The following CCNJL variants were observed in gnomAD, a reference collection of about 807,000 sequenced individuals.
The protein encoded by CCNJL is cyclin-J-like protein.
CCNJL carries 33 observed loss-of-function variants against 33.4 expected under a neutral mutation model. The observed-to-expected ratio is 0.99, with a 90% CI of 0.75 to 1.32. CCNJL has a LOEUF of 1.32. CCNJL is among the 40% of genes most tolerant of loss of function. CCNJL has a pLI of 0.00. For missense variants in CCNJL, 512 were observed against 499.7 expected (o/e 1.02, Z -0.23); for synonymous variants, 227 against 220.9 (o/e 1.03, Z -0.24).
chr5:160,325,271 A>G (rs1201136621), intron 1 of CCNJL, among the ~76,000 whole-genome samples: 1 of 152,120 alleles, frequency 6.6e-6, no homozygotes. Context: ...CCCAATTGTT[A>G]ATGGGCATTG....
chr5:160,259,351 C>T, intron 4 of CCNJL, 118 bp downstream of exon 4: 1 of 825,692 alleles, frequency 1.2e-6, no homozygotes. Flanking sequence ...GATCTGGGTG[C>T]ACAGGCCCCA....
At chr5:160,281,071 T>C (rs1435249035) in intron 2 of CCNJL, 1 of 377,866 alleles carries the variant, frequency 2.6e-6, no homozygotes, top group Non-Finnish European at 5.0e-6. Context: ...ATTCTTTTTT[T>C]TTCCCCTAGG....
intron 2 of CCNJL, among the ~76,000 whole-genome samples, chr5:160,293,803 G>C (rs1762663599): frequency 6.6e-6 from 1 of 152,204 alleles, no homozygotes; most frequent in African/African-American, 2.4e-5. Context: ...TTGGACATCA[G>C]AGGAGCGGGC....
intron 3 of CCNJL, among the ~76,000 whole-genome samples, chr5:160,265,333 C>T (rs1486759819): frequency 2.0e-5 from 3 of 152,184 alleles, no homozygotes. Flanking sequence ...GGCTACTTTT[C>T]TTCCCTAAAG....
chr5:160,326,362 C>T (rs1431803094), intron 1 of CCNJL, among the ~76,000 whole-genome samples: 1 of 151,836 alleles, frequency 6.6e-6, no homozygotes, highest in Non-Finnish European at 1.5e-5. Context: ...GTAACCCTAG[C>T]TACTTGGGTG....
chr5:160,316,398 C>G (rs543052901), upstream of CCNJL, among the ~76,000 whole-genome samples: 2 of 148,448 alleles, frequency 1.3e-5, no homozygotes, highest in African/African-American at 5.0e-5. Flanking sequence ...TTCTACTTAT[C>G]TTCAGCTTTC....
At chr5:160,313,124 T>C (rs1354029019), upstream of CCNJL, among the ~76,000 whole-genome samples, 2 of 152,176 alleles carry the variant, frequency 1.3e-5, no homozygotes, top group Non-Finnish European at 2.9e-5. Flanking sequence ...CTGCAGAATA[T>C]GAACTATGCC....
chr5:160,329,596 A>C (rs1763582411), intron 1 of CCNJL, among the ~76,000 whole-genome samples: 2 of 151,968 alleles, frequency 1.3e-5, no homozygotes, highest in African/African-American at 4.8e-5. Context: ...TGACCCACCC[A>C]CCTTGGCCTC....
At chr5:160,300,884 T>A (rs1581003533) in intron 2 of CCNJL, among the ~76,000 whole-genome samples, 2 of 152,178 alleles carry the variant, frequency 1.3e-5, no homozygotes, top group African/African-American at 4.8e-5. Flanking sequence ...ATGGTACTAA[T>A]TTTTTTTAAG....
chr5:160,268,582 C>T (rs568912260), intron 3 of CCNJL, among the ~76,000 whole-genome samples: 39 of 152,266 alleles, frequency 2.6e-4, no homozygotes, highest in African/African-American at 8.9e-4. Context: ...AAGCCAGGGA[C>T]AAAGCAAGAA....
intron 2 of CCNJL, among the ~76,000 whole-genome samples, chr5:160,286,797 T>C (rs1209244418): frequency 2.0e-5 from 3 of 152,230 alleles, no homozygotes; most frequent in African/African-American, 7.2e-5. Flanking sequence ...GGGATGCTCT[T>C]TCTCCCTGTT....
At chr5:160,310,520 C>G (rs1763228049) in intron 2 of CCNJL, among the ~76,000 whole-genome samples, 2 of 152,198 alleles carry the variant, frequency 1.3e-5, no homozygotes, top group African/African-American at 4.8e-5. Context: ...ACACTCGGAG[C>G]AAATGCACTG....
intron 2 of CCNJL, among the ~76,000 whole-genome samples, chr5:160,302,814 TAAA>T (rs35600220): frequency 0.016 from 2,239 of 143,542 alleles, 62 homozygotes; most frequent in African/African-American, 0.053. Context: ...TCTGTCTCAA[TAAA>T]AAAAAAAAAA....
intron 3 of CCNJL, among the ~76,000 whole-genome samples, chr5:160,262,600 C>T (rs1299152919): frequency 2.6e-5 from 4 of 152,234 alleles, no homozygotes; most frequent in Non-Finnish European, 5.9e-5. Context: ...ACAGAATGGG[C>T]TGTGCTTCGA....
At chr5:160,319,125 T>A (rs1763411001) in intron 1 of CCNJL, among the ~76,000 whole-genome samples, 1 of 152,194 alleles carries the variant, frequency 6.6e-6, no homozygotes, top group Non-Finnish European at 1.5e-5. Context: ...TTCTCTTTTG[T>A]TTTAAGAGAT....
intron 2 of CCNJL, among the ~76,000 whole-genome samples, chr5:160,302,825 AAAT>A (rs1432413376): frequency 2.6e-5 from 4 of 151,144 alleles, no homozygotes; most frequent in Non-Finnish European, 2.9e-5. Context: ...AAAAAAAAAA[AAAT>A]AATAATAATA....
At chr5:160,299,004 A>G (rs1343387553) in intron 2 of CCNJL, among the ~76,000 whole-genome samples, 1 of 152,066 alleles carries the variant, frequency 6.6e-6, no homozygotes, top group African/African-American at 2.4e-5. Context: ...TTTGAGACAG[A>G]GTCTTGATCT....
intron 2 of CCNJL, among the ~76,000 whole-genome samples, chr5:160,303,724 GTGTC>G (rs757698162): frequency 0.12 from 7,212 of 62,488 alleles, 244 homozygotes; most frequent in South Asian, 0.18. Context: ...GTGTGTGTGT[GTGTC>G]TGTGTGTGTG....
intron 3 of CCNJL, among the ~76,000 whole-genome samples, chr5:160,278,951 G>A (rs556110642): frequency 3.9e-4 from 59 of 152,300 alleles, no homozygotes; most frequent in African/African-American, 8.2e-4. Context: ...AGACTGGCTC[G>A]CATGTGTAAC....
Sources: gnomAD v4.1 joint callset for allele counts (sites outside exome capture counted in the v4.1 genomes callset) on GRCh38, gnomAD v4.1.1 for gene constraint, MANE v1.5 for transcripts, NCBI Gene and HGNC (gene_info 2026-07-23, HGNC 2026-07-21) for gene names.